LRRC2: variants seen among roughly 807,000 people sequenced by gnomAD.
LRRC2 encodes the protein leucine rich repeat containing 2.
LRRC2 carries 27 observed loss-of-function variants against 40.2 expected under a neutral mutation model. The observed-to-expected ratio is 0.67, with a 90% CI of 0.49 to 0.93. The LOEUF is 0.93. LRRC2 is among the 40% of genes least tolerant of loss of function. LRRC2 has a pLI of 0.00. For synonymous variants in LRRC2, 147 were observed against 158.9 expected (o/e 0.92, Z 0.56); for missense variants, 402 against 439.6 (o/e 0.91, Z 0.76).
rs74669680 is a variant in LRRC2, at chr3:46,518,886, A to G, written c.*128T>C. 1 of 688,914 alleles carries G rather than the reference A, an allele frequency of 1.5e-6. No individual in the cohort carries two copies. The highest frequency in any genetic ancestry group is 2.5e-6 in the Non-Finnish European group (1 of 392,548). 42.7% of individuals were successfully genotyped at this position (688,914 alleles called of 1,614,324 possible). A position where few individuals can be genotyped will look rare whatever the true frequency, so the allele number is the denominator to read the frequency against. On this transcript the variant is annotated 3_prime_UTR_variant, in exon 9 of 9. Transcript: ENST00000395905. The stretch of plus-strand genomic sequence containing the variant: ...TTGACATTTGAAAACCATTTTTTTT[A>G]GCAACTATGATAGTGGTTTCTAGAC...
chr3:46,534,703 T>C (rs1704240960), intron 4 of LRRC2, among the ~76,000 whole-genome samples: 1 of 152,164 alleles, frequency 6.6e-6, no homozygotes, highest in Non-Finnish European at 1.5e-5. Flanking sequence ...TCTTAATTCC[T>C]TGATGTCAAA....
intron 2 of LRRC2, among the ~76,000 whole-genome samples, chr3:46,550,484 C>T (rs1027944440): frequency 6.7e-5 from 10 of 149,364 alleles, no homozygotes; most frequent in East Asian, 2.0e-4. Context: ...CCCGGGTTCA[C>T]GCCATTCTCC....
chr3:46,538,961 G>T, intron 4 of LRRC2, 84 bp downstream of exon 4: 1 of 1,419,552 alleles, frequency 7.0e-7, no homozygotes, highest in Non-Finnish European at 9.6e-7. Flanking sequence ...AGGAAACACG[G>T]TGTCTGCACA....
chr3:46,547,197 T>C (rs965579454), intron 2 of LRRC2, among the ~76,000 whole-genome samples: 1 of 152,198 alleles, frequency 6.6e-6, no homozygotes, highest in African/African-American at 2.4e-5. Context: ...TGGAGTTTCA[T>C]GCTTGCCATT....
At chr3:46,555,416 CTTT>C (rs992061825) in intron 1 of LRRC2, among the ~76,000 whole-genome samples, 1 of 152,046 alleles carries the variant, frequency 6.6e-6, no homozygotes, top group Non-Finnish European at 1.5e-5. Flanking sequence ...TTTGATCCCT[CTTT>C]TGTTTTCCTA....
intron 2 of LRRC2, among the ~76,000 whole-genome samples, chr3:46,547,572 T>C (rs1183863451): frequency 6.6e-6 from 1 of 151,800 alleles, no homozygotes; most frequent in Non-Finnish European, 1.5e-5. Flanking sequence ...AGGAAAACTG[T>C]TTAAGCCCTG....
At chr3:46,524,533 G>T (rs903513722) in intron 7 of LRRC2, among the ~76,000 whole-genome samples, 5 of 152,102 alleles carry the variant, frequency 3.3e-5, no homozygotes, top group Non-Finnish European at 7.3e-5. Flanking sequence ...TGCGCTCCTC[G>T]GCTTGTTCTC....
intron 2 of LRRC2, among the ~76,000 whole-genome samples, chr3:46,547,592 G>T (rs1178177074): frequency 6.6e-6 from 1 of 151,906 alleles, no homozygotes; most frequent in East Asian, 1.9e-4. Context: ...GGAAGTCGAG[G>T]CTGCAGTGAG....
At chr3:46,528,081 T>G (rs1704091042) in intron 6 of LRRC2, among the ~76,000 whole-genome samples, 1 of 152,168 alleles carries the variant, frequency 6.6e-6, no homozygotes, top group Non-Finnish European at 1.5e-5. Context: ...TTGGAAGTTT[T>G]TACTGACTTA....
intron 1 of LRRC2, among the ~76,000 whole-genome samples, chr3:46,564,799 C>A (rs1401790766): frequency 6.6e-6 from 1 of 152,208 alleles, no homozygotes; most frequent in Non-Finnish European, 1.5e-5. Context: ...CTCCACAGCA[C>A]CCTTCCAGGC....
chr3:46,538,108 C>G (rs1322837794), intron 4 of LRRC2, among the ~76,000 whole-genome samples: 5 of 152,192 alleles, frequency 3.3e-5, no homozygotes, highest in Non-Finnish European at 2.9e-5. Context: ...TGTATGAACA[C>G]CAGAGGCTCC....
intron 1 of LRRC2, among the ~76,000 whole-genome samples, chr3:46,557,074 A>T (rs1704820099): frequency 6.6e-6 from 1 of 152,202 alleles, no homozygotes; most frequent in African/African-American, 2.4e-5. Flanking sequence ...GCCCAAGCCA[A>T]GCCATCGAAT....
In LRRC2 at chr3:46,527,569, C is replaced by G. The variant is rs1351211879; in HGVS notation, c.786G>C (p.Leu262=). The change falls in exon 7 of 9, where the codon CTG becomes CTC. Residue 262 remains leucine (L), a synonymous_variant. Coordinates refer to ENST00000395905, the MANE Select transcript of LRRC2 (RefSeq NM_024512.5). ...TGTTTTTATACAAGAGAAAGCTCTG[C>G]AGCTCCTCTAGCCTAAGAAGAGGTA... ...LPQDIDRLEE[L]QSFLLYKNKL... 1 of 1,613,792 alleles carries G rather than the reference C, an allele frequency of 6.2e-7. No homozygotes were observed. The highest frequency in any genetic ancestry group is 8.5e-7 in the Non-Finnish European group (1 of 1,179,852).
chr3:46,532,413 T>C (rs1032038130), intron 5 of LRRC2, among the ~76,000 whole-genome samples: 1 of 152,174 alleles, frequency 6.6e-6, no homozygotes, highest in Non-Finnish European at 1.5e-5. Context: ...GAGACCAGCC[T>C]GGCCAACATA....
intron 6 of LRRC2, among the ~76,000 whole-genome samples, chr3:46,528,487 C>T (rs9827559): frequency 6.6e-6 from 1 of 151,866 alleles, no homozygotes; most frequent in Non-Finnish European, 1.5e-5. Flanking sequence ...CGTCTTCCAA[C>T]TTTAAAACAG....
Position 46,516,220 on chromosome 3 carries a change from T to TG in LRRC2, c.*2793dup, listed in dbSNP as rs1703860752. On this transcript the variant is annotated 3_prime_UTR_variant, in exon 9 of 9. Coordinates refer to ENST00000395905, the MANE Select transcript of LRRC2 (RefSeq NM_024512.5). ...ATTCACCCATCTCGGCCTCCCAAAGTGCTGGGATTATAGGCGTGAGTCACC... is the reference window on the plus strand; with the variant it reads ...ATTCACCCATCTCGGCCTCCCAAAGTGGCTGGGATTATAGGCGTGAGTCACC... 1 of 151,904 alleles carries TG rather than the reference T, an allele frequency of 6.6e-6. No homozygotes were observed. The highest frequency in any genetic ancestry group is 2.4e-5 in the African/African-American group (1 of 41,282). 9.4% of individuals were successfully genotyped at this position (151,904 alleles called of 1,614,324 possible).
intron 3 of LRRC2, among the ~76,000 whole-genome samples, chr3:46,543,650 AAATAAT>A (rs1553613296): frequency 7.0e-3 from 322 of 46,318 alleles, no homozygotes; most frequent in Non-Finnish European, 0.011. Flanking sequence ...TAATAATAAT[AAATAAT>A]AAATACCCTT....
intron 5 of LRRC2, 128 bp from the exon 6 acceptor site, chr3:46,530,178 C>T (rs753611638): frequency 1.4e-6 from 1 of 737,704 alleles, no homozygotes; most frequent in Non-Finnish European, 2.2e-6. Context: ...CAGATCAATA[C>T]AGTATGTATT....
rs554060517 is a variant in LRRC2, at chr3:46,530,959, T to C, written c.628-909A>G. On this transcript the variant is annotated intron_variant, in intron 5 of 8. Transcript: ENST00000395905. ...ATATTAATATCAGACAAATTATATT[T>C]AAGAAATAATATCGTTAAGGATAAA... Among the ~76,000 whole-genome samples the C allele has an allele frequency of 4.6e-5, 7 of 152,250 alleles. No homozygotes were observed. The South Asian group carries it at 1.5e-3, about 32-fold the overall frequency.
Sources: gnomAD v4.1 joint callset for allele counts (sites outside exome capture counted in the v4.1 genomes callset) on GRCh38, gnomAD v4.1.1 for gene constraint, MANE v1.5 for transcripts, NCBI Gene and HGNC (gene_info 2026-07-23, HGNC 2026-07-21) for gene names.